The following CROCC variants were observed in gnomAD, a reference collection of about 807,000 sequenced individuals.
CROCC encodes ciliary rootlet coiled-coil, rootletin.
A neutral mutation model predicts 245.2 loss-of-function variants in CROCC; 180 were observed. That is an observed-to-expected ratio of 0.73 (90% CI 0.65 to 0.83). CROCC has a LOEUF of 0.83. Among genes scored for constraint, CROCC ranks in the 40% least tolerant of loss-of-function variants. CROCC has a pLI of 0.00. For missense variants in CROCC, 2,688 were observed against 2,779.4 expected (o/e 0.97, Z 0.74); for synonymous variants, 1,205 against 1,241.6 (o/e 0.97, Z 0.62).
chr1:16,930,589 G>T lies in CROCC; in HGVS notation c.844G>T (p.Glu282Ter). 1.9e-6 allele frequency: 3 copies of T among 1,608,890 alleles called. No individual in the cohort carries two copies. Among genetic ancestry groups the T allele is most frequent in the South Asian group, 1.1e-5 (1 of 90,250 alleles). ...CCGGGAGGCGGCGTGGAGGCGCGAGGAGGAGGTGGGCATGGGGGTGCAGGG... is the reference window on the plus strand; with the variant it reads ...CCGGGAGGCGGCGTGGAGGCGCGAGTAGGAGGTGGGCATGGGGGTGCAGGG... ...EHREAAWRRE[E>*]ESFNAYFSNE... The change falls in exon 7 of 37, where the codon GAG (glutamate) becomes TAG (stop). Residue 282 changes from glutamate (E) to a stop codon, truncating the protein, a stop_gained. Transcript: ENST00000375541. LOFTEE classifies it high-confidence loss of function.
intron 2 of CROCC, among the ~76,000 whole-genome samples, chr1:16,923,247 G>C (rs575352794): frequency 1.3e-5 from 2 of 152,280 alleles, no homozygotes; most frequent in African/African-American, 4.8e-5. Context: ...TGGCGCACAC[G>C]GTGTAGTTAT....
rs750632016 is a variant in CROCC, at chr1:16,936,866, A to G, written c.1186A>G (p.Ser396Gly). The G allele has an allele frequency of 1.2e-6, 2 of 1,609,536 alleles. No homozygotes were observed. The highest frequency in any genetic ancestry group is 1.3e-5 in the African/African-American group (1 of 75,012). The change falls in exon 9 of 37, where the codon AGT (serine) becomes GGT (glycine). Residue 396 changes from serine (S) to glycine (G), a missense_variant. Physicochemically the swap from Ser to Gly is moderately conservative, Grantham distance 56. Around this residue, in one of 9 missense-constraint regions of CROCC, gnomAD observed 972 missense variants for 895.3 expected, o/e 1.09. Transcript: ENST00000375541. ...AAGCGACCTGGACAAGGCTGACCTC[A>G]GTGCCAGGTGGGTACCTGGTGGATG... ...MQSDLDKADLSARVTELGLAV... is the reference protein window; with the variant it reads ...MQSDLDKADLGARVTELGLAV...
At chr1:16,971,421 C>A (rs2100565897) in intron 35 of CROCC, 44 bp from the exon 36 acceptor site, 1 of 1,499,852 alleles carries the variant, frequency 6.7e-7, no homozygotes, top group East Asian at 2.5e-5. Flanking sequence ...TGCACACACA[C>A]ACTCACACTG....
At chr1:16,944,042 C>T (rs1297640188) in intron 13 of CROCC, 58 bp from the exon 14 acceptor site, 1 of 1,441,702 alleles carries the variant, frequency 6.9e-7, no homozygotes, top group Admixed American at 2.5e-5. Flanking sequence ...AGCCAGCCAC[C>T]TTCCCTGCAG....
At chr1:16,929,299 T>C (rs1293667908) in intron 3 of CROCC, among the ~76,000 whole-genome samples, 1 of 152,274 alleles carries the variant, frequency 6.6e-6, no homozygotes, top group Admixed American at 6.5e-5. Context: ...CATAGACAGA[T>C]TGACACCTCT....
intron 25 of CROCC, 77 bp downstream of exon 25, chr1:16,956,233 C>T (rs1320933036): frequency 1.1e-5 from 15 of 1,392,084 alleles, no homozygotes; most frequent in African/African-American, 2.9e-5. Flanking sequence ...TCTGGAATTA[C>T]GTTTCTACCC....
At chr1:16,921,409 C>A (rs534262883), upstream of CROCC, among the ~76,000 whole-genome samples, 3 of 152,410 alleles carry the variant, frequency 2.0e-5, no homozygotes, top group South Asian at 6.2e-4. Flanking sequence ...GCTCATCAGT[C>A]CAGGCTGGAC....
At chr1:16,939,568 A>T (rs1305155687) in intron 12 of CROCC, among the ~76,000 whole-genome samples, 1 of 152,104 alleles carries the variant, frequency 6.6e-6, no homozygotes, top group Non-Finnish European at 1.5e-5. Context: ...TGGAACCAGG[A>T]TGCAAGGGGG....
At position 16,950,985 on chromosome 1, in the gene CROCC, G is replaced by A. The variant is rs764981819; in HGVS notation, c.2869G>A (p.Ala957Thr). 1.0e-5 allele frequency: 16 copies of A among 1,586,094 alleles called. No homozygotes were observed. Among genetic ancestry groups the A allele is most frequent in the Admixed American group, 3.6e-5 (2 of 54,796 alleles). The change falls in exon 20 of 37, where the codon GCT becomes ACT. Residue 957 changes from alanine to threonine, a missense_variant. Physicochemically the swap from Ala to Thr is moderately conservative, Grantham distance 58. This residue lies in a region of CROCC where 20 missense variants were observed against 55.4 expected (regional missense o/e 0.36). Coordinates refer to ENST00000375541, the MANE Select transcript of CROCC (RefSeq NM_014675.5). ...ELAGLRQQIIATQEKASLDKE... is the reference protein window; with the variant it reads ...ELAGLRQQIITTQEKASLDKE... ...GGCGGGCCTGCGGCAGCAAATAATA[G>A]CTACACAGGAGAAAGCCAGTCTAGA... is the stretch of plus-strand genomic sequence containing the variant.
chr1:16,959,403 G>T (rs2076295470), intron 26 of CROCC, among the ~76,000 whole-genome samples: 1 of 152,200 alleles, frequency 6.6e-6, no homozygotes, highest in South Asian at 2.1e-4. Context: ...AAGTCTGTCT[G>T]ACTCCAAAGC....
intron 13 of CROCC, among the ~76,000 whole-genome samples, chr1:16,942,007 G>T (rs1403710662): frequency 2.6e-5 from 4 of 152,190 alleles, no homozygotes; most frequent in Admixed American, 6.6e-5. Context: ...TAGCCTTGAA[G>T]ATTTTTTTTT....
chr1:16,915,179 T>C (rs1490784166), intron 1 of CROCC, among the ~76,000 whole-genome samples: 1 of 152,262 alleles, frequency 6.6e-6, no homozygotes, highest in Non-Finnish European at 1.5e-5. Flanking sequence ...GCTGGCTGGA[T>C]ATGTGTTCGC....
At position 16,972,513 on chromosome 1, in the gene CROCC, C is replaced by T. The variant is rs547287592; in HGVS notation, c.*67C>T. ...GGGGAGGACCCTTCTTTTGGACAGC[C>T]CCCCCACCCAGAGCCCGGTCCCTTG... is the stretch of plus-strand genomic sequence containing the variant. On this transcript the variant is annotated 3_prime_UTR_variant, in exon 37 of 37. Coordinates refer to ENST00000375541, the MANE Select transcript of CROCC (RefSeq NM_014675.5). 3.3e-5 allele frequency: 34 copies of T among 1,040,200 alleles called. No individual in the cohort carries two copies. The highest frequency in any genetic ancestry group is 2.8e-4 in the African/African-American group (16 of 58,038). 64.4% of individuals were successfully genotyped at this position (1,040,200 alleles called of 1,614,324 possible).
At chr1:16,967,590 TA>T (rs2076440275) in intron 30 of CROCC, among the ~76,000 whole-genome samples, 1 of 152,024 alleles carries the variant, frequency 6.6e-6, no homozygotes, top group Non-Finnish European at 1.5e-5. Context: ...AGGCTCAGGA[TA>T]GGGGCTGGGG....
chr1:16,948,513 C>G lies in CROCC; in HGVS notation c.2697C>G (p.Ala899=), dbSNP rs532210229. The change falls in exon 18 of 37, where the codon GCC becomes GCG. Residue 899 remains alanine (A), a synonymous_variant. Transcript: ENST00000375541. ...EREGRTLSEE[A]TRLRLEKEAL... The stretch of plus-strand genomic sequence containing the variant: ...AAGGCAGGACCCTGTCAGAGGAGGC[C>G]ACACGCCTGCGGTAAGGCCTTGGGC... The G allele has an allele frequency of 1.8e-5, 28 of 1,541,986 alleles. No individual in the cohort carries two copies. The East Asian group carries it at 5.6e-4, about 31-fold the overall frequency.
In CROCC at chr1:16,929,956, C is replaced by T. The variant is rs1318880450; in HGVS notation, c.462C>T (p.Ser154=). The change falls in exon 4 of 37, where the codon TCC becomes TCT. Residue 154 remains serine, a synonymous_variant. Coordinates refer to ENST00000375541, the MANE Select transcript of CROCC (RefSeq NM_014675.5). ...LRRQLQEEQA[S]YRRKLQAYQE... is the part of the protein sequence containing the mutation. ...GGCAGCTGCAGGAGGAGCAGGCCTC[C>T]TACCGGCGCAAGCTGCAGGCCTACC... The T allele has an allele frequency of 5.0e-6, 8 of 1,586,208 alleles. No individual in the cohort carries two copies. Among genetic ancestry groups the T allele is most frequent in the Admixed American group, 3.6e-5 (2 of 55,200 alleles).
chr1:16,946,348 C>G lies in CROCC; in HGVS notation c.2226C>G (p.Ser742Arg). Residue 742 changes from serine to arginine, a missense_variant, in exon 16 of 37, where the codon AGC (serine) becomes AGG (arginine). Ser to Arg is a moderately radical substitution (Grantham distance 110, BLOSUM62 -1). This residue lies in a region of CROCC where 295 missense variants were observed against 241.7 expected (regional missense o/e 1.22). Coordinates refer to ENST00000375541, the MANE Select transcript of CROCC (RefSeq NM_014675.5). ...TGCAGGACTCCCTGTCCAAGCTGAG[C>G]GCCCTCAACGAGAGCCTTGCTCAGG... ...ASLQDSLSKL[S>R]ALNESLAQDK... 6.2e-7 allele frequency: 1 copy of G among 1,613,402 alleles called. No homozygotes were observed. The highest frequency in any genetic ancestry group is 8.5e-7 in the Non-Finnish European group (1 of 1,180,016).
Position 16,955,555 on chromosome 1 carries a change from G to C in CROCC, c.3704+5G>C, listed in dbSNP as rs1265314509. The stretch of plus-strand genomic sequence containing the variant: ...GGCAGAGAGCGAGCGCATCAGGTGG[G>C]GTGTCGCAGGAGGACCAGTCCTGAG... On this transcript the variant is annotated splice_donor_5th_base_variant and intron_variant, in intron 24 of 36. Transcript: ENST00000375541. 1 of 1,521,410 alleles carries C rather than the reference G, an allele frequency of 6.6e-7. No homozygotes were observed. The highest frequency in any genetic ancestry group is 8.8e-7 in the Non-Finnish European group (1 of 1,139,292). 94.2% of individuals were successfully genotyped at this position (1,521,410 alleles called of 1,614,324 possible). A position where few individuals can be genotyped will look rare whatever the true frequency, so the allele number is the denominator to read the frequency against.
intron 26 of CROCC, among the ~76,000 whole-genome samples, chr1:16,959,078 G>A (rs756418552): frequency 1.7e-4 from 26 of 152,062 alleles, no homozygotes; most frequent in African/African-American, 4.3e-4. Context: ...GCTGGAGTGC[G>A]CTGGCACCAT....
Sources: gnomAD v4.1 joint callset for allele counts (sites outside exome capture counted in the v4.1 genomes callset) on GRCh38, gnomAD v4.1.1 for gene constraint, gnomAD v4.1.1 regional missense constraint, MANE v1.5 for transcripts, NCBI Gene and HGNC (gene_info 2026-07-23, HGNC 2026-07-21) for gene names.